Variants in CDH18 observed in about 807,000 individuals in gnomAD.
CDH18 encodes the protein cadherin 18.
Under a neutral mutation model 67.9 loss-of-function variants are expected in CDH18, and 31 were observed. That is an observed-to-expected ratio of 0.46 (90% CI 0.34 to 0.62). The LOEUF (loss-of-function observed/expected upper bound fraction) is 0.62. Ranked by LOEUF, CDH18 falls within the 20% of genes least tolerant of loss-of-function variation. CDH18 has a pLI of 0.01. For synonymous variants in CDH18, 362 were observed against 347.2 expected, an observed-to-expected ratio of 1.04 and a Z score of -0.48; for missense variants, 890 against 975.5, an observed-to-expected ratio of 0.91 and a Z score of 1.17.
intron 1 of CDH18, chr5:20,331,474 T>C (rs1337875973): frequency 6.6e-6 from 1 of 152,180 alleles, no homozygotes; most frequent in Non-Finnish European, 1.5e-5. Flanking sequence ...TTTTCAGCAA[T>C]TCGGGCCTAT....
chr5:19,560,819 A>G (rs1044684990), intron 8 of CDH18, among the ~76,000 whole-genome samples: 2 of 152,010 alleles, frequency 1.3e-5, no homozygotes, highest in Admixed American at 6.6e-5. Context: ...TCAGCAAGAA[A>G]AAAAAATCCC....
intron 2 of CDH18, among the ~76,000 whole-genome samples, chr5:20,128,860 G>C (rs1749038310): frequency 6.6e-6 from 1 of 151,958 alleles, no homozygotes. Context: ...TAGACTCTCA[G>C]TGCAATCATA....
rs527820821 is a variant in CDH18 at position 19,765,989 on chromosome 5, C to T, written c.229-18753G>A. Among the ~76,000 whole-genome samples, 41 of 152,040 alleles carry T rather than the reference C, an allele frequency of 2.7e-4. No homozygotes were observed. In the South Asian group the frequency reaches 8.1e-3, roughly 30 times the overall value. ...CGGCCTCCCAGGTTCAAGCAATTCTCCTGCCTCAGCCTCCCGAGTAGCTGG... is the reference window on the plus strand; with the variant it reads ...CGGCCTCCCAGGTTCAAGCAATTCTTCTGCCTCAGCCTCCCGAGTAGCTGG... On this transcript the variant is annotated intron_variant, in intron 3 of 12. Transcript: ENST00000382275.
intron 11 of CDH18, among the ~76,000 whole-genome samples, chr5:19,492,024 A>G (rs1741557596): frequency 6.6e-6 from 1 of 152,152 alleles, no homozygotes; most frequent in African/African-American, 2.4e-5. Flanking sequence ...AGAGAACATA[A>G]TAAAAACCGA....
rs545752359 is a variant in CDH18 at position 20,263,767 on chromosome 5, G to T, written c.-579-8262C>A. Among the ~76,000 whole-genome samples, 21 of 152,124 alleles carry T rather than the reference G, an allele frequency of 1.4e-4. No homozygotes were observed. The East Asian group carries it at 4.1e-3, about 29-fold the overall frequency. On this transcript the variant is annotated intron_variant, in intron 1 of 14. Coordinates refer to the CDH18 transcript ENST00000507958. ...AAAACCTACCAATTGTTGAGTTCAG[G>T]TGTACTATTTTAAAAACTCACAACT...
chr5:19,638,805 G>A (rs1029454345), intron 5 of CDH18, among the ~76,000 whole-genome samples: 6 of 151,782 alleles, frequency 4.0e-5, no homozygotes, highest in East Asian at 2.0e-4. Context: ...CATTTTGCCC[G>A]CATCATCCCA....
chr5:20,228,091 T>C (rs1207023617), intron 2 of CDH18, among the ~76,000 whole-genome samples: 3 of 152,146 alleles, frequency 2.0e-5, no homozygotes, highest in Non-Finnish European at 2.9e-5. Flanking sequence ...ATCCCCTTAA[T>C]GGAAACACTC....
chr5:19,903,289 T>A (rs1790136929), intron 2 of CDH18, among the ~76,000 whole-genome samples: 1 of 151,428 alleles, frequency 6.6e-6, no homozygotes, highest in Non-Finnish European at 1.5e-5. Flanking sequence ...AGGGGAAGTG[T>A]TAGATCACAT....
intron 2 of CDH18, among the ~76,000 whole-genome samples, chr5:20,075,663 G>A (rs546387485): frequency 6.6e-6 from 1 of 152,294 alleles, no homozygotes; most frequent in South Asian, 2.1e-4. Flanking sequence ...TTTCATGCGA[G>A]GAGAAGGCTA....
At chr5:20,500,518 G>C (rs573831208) in intron 1 of CDH18, among the ~76,000 whole-genome samples, 1 of 152,110 alleles carries the variant, frequency 6.6e-6, no homozygotes, top group African/African-American at 2.4e-5. Context: ...TGAACATCTG[G>C]GAACAGGTAT....
chr5:19,572,128 T>C (rs1186316559), intron 7 of CDH18, among the ~76,000 whole-genome samples: 2 of 152,190 alleles, frequency 1.3e-5, no homozygotes, highest in Admixed American at 6.5e-5. Flanking sequence ...TGCTAGGTAA[T>C]GTTTTCAAGA....
chr5:20,532,680 T>G (rs2126559359), intron 1 of CDH18, among the ~76,000 whole-genome samples: 1 of 152,200 alleles, frequency 6.6e-6, no homozygotes, highest in South Asian at 2.1e-4. Context: ...GTTCCATGTC[T>G]TTTCTCTGCC....
At chr5:19,618,033 G>A (rs141095914) in intron 5 of CDH18, among the ~76,000 whole-genome samples, 1 of 152,128 alleles carries the variant, frequency 6.6e-6, no homozygotes, top group African/African-American at 2.4e-5. Flanking sequence ...TTGTTTATTA[G>A]ATAATACCAC....
At chr5:19,771,758 T>C (rs1446207113) in intron 3 of CDH18, among the ~76,000 whole-genome samples, 1 of 152,174 alleles carries the variant, frequency 6.6e-6, no homozygotes, top group Admixed American at 6.6e-5. Flanking sequence ...ACACATCGAC[T>C]TTGGCTCCAT....
Position 20,172,223 on chromosome 5 carries a change from T to TATATACACATATATATACATATATAC in CDH18, c.-518+83220_-518+83221insGTATATATGTATATATATGTGTATAT, listed in dbSNP as rs1554098639. Among the ~76,000 whole-genome samples the TATATACACATATATATACATATATAC allele has an allele frequency of 9.1e-5, 4 of 43,920 alleles. No homozygotes were observed. The South Asian group carries it at 3.0e-3, about 33-fold the overall frequency. The allele number at this position is 43,920 out of a possible 152,430, so 28.8% of individuals were successfully genotyped here. ...ATATATATATATATATATATATATA[T>TATATACACATATATATACATATATAC]GTATATATATATATATGTATATATA... On this transcript the variant is annotated intron_variant, in intron 2 of 14. Coordinates refer to the CDH18 transcript ENST00000507958.
chr5:20,205,600 T>C (rs1461838570), intron 2 of CDH18, among the ~76,000 whole-genome samples: 6 of 151,906 alleles, frequency 3.9e-5, no homozygotes, highest in African/African-American at 1.4e-4. Flanking sequence ...CTTCAGAATA[T>C]AGACTGTATC....
At chr5:19,901,900 AGAATT>A (rs1336118422) in intron 2 of CDH18, among the ~76,000 whole-genome samples, 1 of 152,004 alleles carries the variant, frequency 6.6e-6, no homozygotes, top group African/African-American at 2.4e-5. Context: ...AAATAATAAT[AGAATT>A]ATTTTAATAG....
chr5:19,887,753 G>C (rs1295762390), intron 2 of CDH18, among the ~76,000 whole-genome samples: 1 of 146,262 alleles, frequency 6.8e-6, no homozygotes, highest in Non-Finnish European at 1.5e-5. Context: ...TAATTTTTTT[G>C]TAAAGACTGG....
At position 20,157,285 on chromosome 5, in the gene CDH18, T is replaced by C. The variant is rs148426503; in HGVS notation, c.-518+98159A>G. ...CCTCAAATGAAGATTGACTACTGCA[T>C]TCAGAAGCACATGGAGAATGAAATC... On this transcript the variant is annotated intron_variant, in intron 2 of 14. Transcript: ENST00000507958. 7.5e-3 allele frequency among the ~76,000 whole-genome samples: 1,138 copies of C among 152,322 alleles called. 6 individuals carry two copies. Among genetic ancestry groups the C allele is most frequent in the Non-Finnish European group, 0.011 (764 of 68,030 alleles).
Sources: allele counts gnomAD v4.1 joint callset (sites outside exome capture counted in the v4.1 genomes callset), GRCh38; gene constraint gnomAD v4.1.1; transcripts MANE v1.5; gene names NCBI Gene and HGNC (gene_info 2026-07-23, HGNC 2026-07-21).